Variants in NUDT3 observed in about 807,000 individuals in gnomAD.
NUDT3 encodes the protein nudix hydrolase 3, also known as diphosphoinositol polyphosphate phosphohydrolase 1.
NUDT3 carries 9 observed loss-of-function variants against 23.6 expected under a neutral mutation model. The ratio of observed to expected loss-of-function variants is 0.38; its 90% CI spans 0.23 to 0.66. The LOEUF (loss-of-function observed/expected upper bound fraction) is 0.66. Ranked by LOEUF, NUDT3 falls within the 30% of genes least tolerant of loss-of-function variation. The pLI is 0.52. For missense variants in NUDT3, 172 were observed against 218.5 expected, an observed-to-expected ratio of 0.79 and a Z score of 1.34; for synonymous variants, 86 against 82.6, an observed-to-expected ratio of 1.04 and a Z score of -0.22.
chr6:34,327,003 G>A (rs1462396529), intron 2 of NUDT3, among the ~76,000 whole-genome samples: 1 of 151,974 alleles, frequency 6.6e-6, no homozygotes. Flanking sequence ...AGCTGGGCCC[G>A]GGGGGACTAC....
chr6:34,309,825 TG>T (rs1763744186), intron 2 of NUDT3, among the ~76,000 whole-genome samples: 1 of 152,142 alleles, frequency 6.6e-6, no homozygotes, highest in African/African-American at 2.4e-5. Context: ...CCTGTGCCCA[TG>T]GATTTCACAA....
At chr6:34,345,926 G>A (rs1328014959) in intron 1 of NUDT3, among the ~76,000 whole-genome samples, 2 of 151,784 alleles carry the variant, frequency 1.3e-5, no homozygotes, top group African/African-American at 2.4e-5. Context: ...GCACCACCAC[G>A]CCCGGCCGAT....
intron 1 of NUDT3, among the ~76,000 whole-genome samples, chr6:34,360,940 G>A (rs952854836): frequency 6.6e-6 from 1 of 152,088 alleles, no homozygotes; most frequent in Non-Finnish European, 1.5e-5. Flanking sequence ...TATACATATG[G>A]GGCCAGGAGC....
intron 2 of NUDT3, among the ~76,000 whole-genome samples, chr6:34,325,875 G>A (rs779694860): frequency 2.2e-4 from 33 of 152,182 alleles, no homozygotes; most frequent in Non-Finnish European, 3.7e-4. Flanking sequence ...TAGGGAAAGT[G>A]GCATCTGTCA....
At chr6:34,312,466 T>C (rs1161714523) in intron 2 of NUDT3, among the ~76,000 whole-genome samples, 2 of 151,664 alleles carry the variant, frequency 1.3e-5, no homozygotes, top group East Asian at 3.9e-4. Context: ...GGTGAGGATG[T>C]GGAACAACAG....
chr6:34,379,354 G>A (rs964428956), intron 1 of NUDT3, among the ~76,000 whole-genome samples: 2 of 151,838 alleles, frequency 1.3e-5, no homozygotes, highest in African/African-American at 4.8e-5. Context: ...CAGGCCAGGA[G>A]TTTGAAACCA....
chr6:34,362,722 C>G (rs1415268703), intron 1 of NUDT3, among the ~76,000 whole-genome samples: 1 of 152,126 alleles, frequency 6.6e-6, no homozygotes, highest in Non-Finnish European at 1.5e-5. Flanking sequence ...TCCCAAAGTG[C>G]TGGGATTACA....
chr6:34,282,992 T>C lies in NUDT3; in HGVS notation c.*5761A>G, dbSNP rs1763294948. 1 of 152,160 alleles carries C rather than the reference T, an allele frequency of 6.6e-6. No individual in the cohort carries two copies. The highest frequency in any genetic ancestry group is 1.5e-5 in the Non-Finnish European group (1 of 68,020). 9.4% of individuals were successfully genotyped at this position (152,160 alleles called of 1,614,324 possible). A position where few individuals can be genotyped will look rare whatever the true frequency, so the allele number is the denominator to read the frequency against. On this transcript the variant is annotated 3_prime_UTR_variant, in exon 5 of 5. Coordinates refer to ENST00000607016, the MANE Select transcript of NUDT3 (RefSeq NM_006703.4). ...ATTCTGAGTTAACACGGGTTCCCTA[T>C]AAGCTCCCCTCCCCAGGTGGACAGT...
At chr6:34,355,282 T>C (rs1259225437) in intron 1 of NUDT3, among the ~76,000 whole-genome samples, 2 of 152,108 alleles carry the variant, frequency 1.3e-5, no homozygotes, top group Non-Finnish European at 2.9e-5. Context: ...ATTGATACGA[T>C]GATATGGTGG....
intron 1 of NUDT3, among the ~76,000 whole-genome samples, chr6:34,381,305 C>G (rs1366229346): frequency 6.6e-6 from 1 of 152,192 alleles, no homozygotes; most frequent in African/African-American, 2.4e-5. Flanking sequence ...GTGTGAGTCA[C>G]TGCACCCGGC....
chr6:34,339,227 G>A (rs190181654), intron 2 of NUDT3, among the ~76,000 whole-genome samples: 3 of 152,236 alleles, frequency 2.0e-5, no homozygotes, highest in Admixed American at 2.0e-4. Context: ...TTTGTATTGG[G>A]GATATCTAAA....
intron 2 of NUDT3, among the ~76,000 whole-genome samples, chr6:34,324,311 C>T (rs1763989959): frequency 6.6e-6 from 1 of 151,138 alleles, no homozygotes; most frequent in Middle Eastern, 3.4e-3. Flanking sequence ...GCTGAGATCA[C>T]ACCACTGCAC....
intron 2 of NUDT3, among the ~76,000 whole-genome samples, chr6:34,326,847 C>T (rs146749220): frequency 0.013 from 1,933 of 152,220 alleles, 41 homozygotes; most frequent in African/African-American, 0.044. Flanking sequence ...GTGATCCACC[C>T]GCCGTGGCCT....
chr6:34,317,989 T>A (rs973422083), intron 2 of NUDT3, among the ~76,000 whole-genome samples: 1 of 152,156 alleles, frequency 6.6e-6, no homozygotes, highest in African/African-American at 2.4e-5. Flanking sequence ...ATTAAAAAAA[T>A]TAAAACTCTA....
intron 2 of NUDT3, among the ~76,000 whole-genome samples, chr6:34,338,623 C>T (rs1337445756): frequency 6.6e-6 from 1 of 152,166 alleles, no homozygotes; most frequent in Non-Finnish European, 1.5e-5. Context: ...GAGGAAGGTG[C>T]AGACTCTGAA....
intron 1 of NUDT3, among the ~76,000 whole-genome samples, chr6:34,378,055 C>T (rs1397180848): frequency 6.6e-6 from 1 of 151,746 alleles, no homozygotes; most frequent in Non-Finnish European, 1.5e-5. Context: ...ACCTATAATC[C>T]CAGCACTTTG....
chr6:34,317,377 G>A (rs1763878695), intron 2 of NUDT3, among the ~76,000 whole-genome samples: 1 of 151,934 alleles, frequency 6.6e-6, no homozygotes, highest in Non-Finnish European at 1.5e-5. Flanking sequence ...CCTCCAGATT[G>A]GGAGAGATCA....
At chr6:34,351,328 C>A (rs1764472719) in intron 1 of NUDT3, among the ~76,000 whole-genome samples, 1 of 146,382 alleles carries the variant, frequency 6.8e-6, no homozygotes, top group African/African-American at 2.6e-5. Flanking sequence ...ATTAGCCAGA[C>A]CTAGTGGCTG....
chr6:34,375,911 G>A lies in NUDT3; in HGVS notation c.99+16353C>T, dbSNP rs561401398. Among the ~76,000 whole-genome samples, 13 of 152,112 alleles carry A rather than the reference G, an allele frequency of 8.5e-5. No homozygotes were observed. In the East Asian group the frequency reaches 2.1e-3, roughly 25 times the overall value. ...CTTTGTGAAATGTTCTTCCACCTCCGCTTTTATGACAGTGCTTCGAGTGCC... is the reference window on the plus strand; with the variant it reads ...CTTTGTGAAATGTTCTTCCACCTCCACTTTTATGACAGTGCTTCGAGTGCC... On this transcript the variant is annotated intron_variant, in intron 1 of 4. Transcript: ENST00000607016.
Sources: allele counts gnomAD v4.1 joint callset (sites outside exome capture counted in the v4.1 genomes callset), GRCh38; gene constraint gnomAD v4.1.1; transcripts MANE v1.5; gene names NCBI Gene and HGNC (gene_info 2026-07-23, HGNC 2026-07-21).